Variants in NEDD4 observed in about 807,000 individuals in gnomAD.
NEDD4 encodes NEDD4 E3 ubiquitin protein ligase, also known as E3 ubiquitin-protein ligase NEDD4.
Under a neutral mutation model 144.9 loss-of-function variants are expected in NEDD4, and 99 were observed. The observed-to-expected ratio is 0.68, with a 90% CI of 0.58 to 0.81. The LOEUF (loss-of-function observed/expected upper bound fraction) is 0.81. Among genes scored for constraint, NEDD4 ranks in the 30% least tolerant of loss-of-function variants. NEDD4 has a pLI of 0.00. For synonymous variants in NEDD4, 318 were observed against 350.6 expected (o/e 0.91, Z 1.04); for missense variants, 985 against 1,065.9 (o/e 0.92, Z 1.06).
intron 5 of NEDD4, among the ~76,000 whole-genome samples, chr15:55,922,022 G>C (rs16976653): frequency 0.063 from 9,637 of 152,212 alleles, 365 homozygotes; most frequent in East Asian, 0.17. Context: ...ATTCACATCG[G>C]TATCAGTGGC....
intron 11 of NEDD4, among the ~76,000 whole-genome samples, chr15:55,858,572 G>A (rs1412689346): frequency 6.6e-6 from 1 of 152,138 alleles, no homozygotes; most frequent in African/African-American, 2.4e-5. Context: ...CTCCCAAAGT[G>A]CTGGGATTAC....
intron 1 of NEDD4, among the ~76,000 whole-genome samples, chr15:55,989,378 T>C (rs970086996): frequency 6.6e-6 from 1 of 152,196 alleles, no homozygotes; most frequent in Non-Finnish European, 1.5e-5. Flanking sequence ...GCAAAAACAA[T>C]ACATGAAAGA....
chr15:55,835,284 T>C (rs2033140531), intron 24 of NEDD4, among the ~76,000 whole-genome samples: 1 of 152,230 alleles, frequency 6.6e-6, no homozygotes, highest in Admixed American at 6.5e-5. Flanking sequence ...TAAACATATT[T>C]AATTCCTTAT....
intron 4 of NEDD4, among the ~76,000 whole-genome samples, chr15:55,937,751 A>G (rs1272382067): frequency 2.0e-5 from 3 of 152,208 alleles, no homozygotes; most frequent in Non-Finnish European, 4.4e-5. Context: ...ATACTATCCA[A>G]AGTAATCCAC....
Position 55,828,317 on chromosome 15 carries a change from G to A in NEDD4, c.*1580C>T, listed in dbSNP as rs1017711649. ...TATATATATATATTTAAGAAGATTCGTAACATATATTTACAATTATTCCTA... is the reference window on the plus strand; with the variant it reads ...TATATATATATATTTAAGAAGATTCATAACATATATTTACAATTATTCCTA... On this transcript the variant is annotated 3_prime_UTR_variant, in exon 29 of 29. Transcript: ENST00000435532. The A allele has an allele frequency of 4.0e-5, 6 of 151,860 alleles. No homozygotes were observed. The highest frequency in any genetic ancestry group is 7.3e-5 in the African/African-American group (3 of 41,302). The allele number at this position is 151,860 out of a possible 1,614,324, so 9.4% of individuals were successfully genotyped here.
chr15:55,960,174 G>T (rs1487342412), intron 2 of NEDD4, among the ~76,000 whole-genome samples: 1 of 152,210 alleles, frequency 6.6e-6, no homozygotes, highest in Non-Finnish European at 1.5e-5. Flanking sequence ...ACCTCTCTGT[G>T]ATGGGTAATA....
intron 2 of NEDD4, among the ~76,000 whole-genome samples, chr15:55,956,611 C>T (rs1048208005): frequency 9.9e-5 from 15 of 152,106 alleles, no homozygotes; most frequent in African/African-American, 2.4e-4. Flanking sequence ...TTCTCTCTCT[C>T]GCTCTCTCAC....
At chr15:55,973,958 A>G (rs551468929) in intron 1 of NEDD4, among the ~76,000 whole-genome samples, 1 of 152,226 alleles carries the variant, frequency 6.6e-6, no homozygotes, top group Admixed American at 6.5e-5. Flanking sequence ...AAATTGAAAC[A>G]GAATATAATA....
intron 1 of NEDD4, chr15:55,988,023 A>T (rs1390252691): frequency 6.6e-6 from 1 of 151,828 alleles, no homozygotes; most frequent in African/African-American, 2.4e-5. Context: ...GTCATTGCAC[A>T]CGTATGTTTA....
intron 5 of NEDD4, among the ~76,000 whole-genome samples, chr15:55,909,880 T>G (rs2036215128): frequency 6.6e-6 from 1 of 152,188 alleles, no homozygotes; most frequent in Non-Finnish European, 1.5e-5. Flanking sequence ...TCTCGTCTTA[T>G]TTTTGGTGGT....
chr15:55,830,132 G>A (rs1311152745), intron 28 of NEDD4, 133 bp from the exon 29 acceptor site: 11 of 668,622 alleles, frequency 1.6e-5, no homozygotes, highest in Non-Finnish European at 2.8e-5. Flanking sequence ...ACCAGGGGTA[G>A]AAGTAAGACG....
chr15:55,852,690 AATATATATATATATAT>A (rs59736982), intron 12 of NEDD4, 147 bp from the exon 13 acceptor site: 22,186 of 184,106 alleles, frequency 0.12, 2,017 homozygotes, highest in East Asian at 0.36. Flanking sequence ...CTTTTCTAGA[AATATATATATATATAT>A]ATATATATAT....
intron 4 of NEDD4, among the ~76,000 whole-genome samples, chr15:55,942,380 T>G (rs1484454733): frequency 6.6e-6 from 1 of 152,186 alleles, no homozygotes; most frequent in African/African-American, 2.4e-5. Context: ...CATGTCAAAT[T>G]GTAATCCCTA....
At chr15:55,856,334 C>G (rs1215669166) in intron 11 of NEDD4, 138 bp from the exon 12 acceptor site, 2 of 720,872 alleles carry the variant, frequency 2.8e-6, no homozygotes, top group Non-Finnish European at 4.6e-6. Context: ...AGAGTGCAGG[C>G]TGAGTCATGT....
At chr15:55,951,639 C>G (rs1270293753) in intron 2 of NEDD4, 50 bp from the exon 3 acceptor site, 13 of 1,337,354 alleles carry the variant, frequency 9.7e-6, no homozygotes, top group Non-Finnish European at 1.3e-5. Flanking sequence ...TATTGCTTAC[C>G]CCAAGCTCAG....
intron 1 of NEDD4, among the ~76,000 whole-genome samples, chr15:55,988,963 C>G (rs375422609): frequency 1.3e-5 from 2 of 152,156 alleles, no homozygotes; most frequent in African/African-American, 4.8e-5. Context: ...AGGACGGGCG[C>G]GGTGCCTCAC....
At chr15:55,949,140 G>C (rs1292618167) in intron 4 of NEDD4, among the ~76,000 whole-genome samples, 1 of 152,140 alleles carries the variant, frequency 6.6e-6, no homozygotes, top group Admixed American at 6.5e-5. Context: ...AGCGGGCGAA[G>C]GATATGAACA....
intron 21 of NEDD4, among the ~76,000 whole-genome samples, chr15:55,839,975 A>G (rs2033394385): frequency 6.0e-5 from 1 of 16,728 alleles, no homozygotes; most frequent in Non-Finnish European, 1.2e-4. Context: ...CTCTGTCTCA[A>G]AAAAAAAAAA....
rs2033951481 is a variant in NEDD4 at position 55,850,717 on chromosome 15, G to A, written c.1172C>T (p.Thr391Ile). Residue 391 changes from threonine (T) to isoleucine (I), a missense_variant, in exon 14 of 29, where the codon ACC becomes ATC. Transcript: ENST00000435532. ...VQATVETSQL[T>I]SSQSSAGPQS... is the part of the protein sequence containing the mutation. ...AGGGCCTGCAGAACTCTGGCTTGAG[G>A]TCAGCTGACTGGTCTCCACTGTGGC... is the stretch of plus-strand genomic sequence containing the variant. 1 of 1,613,824 alleles carries A rather than the reference G, an allele frequency of 6.2e-7. No homozygotes were observed. The highest frequency in any genetic ancestry group is 8.5e-7 in the Non-Finnish European group (1 of 1,180,020).
Sources: allele counts gnomAD v4.1 joint callset (sites outside exome capture counted in the v4.1 genomes callset), GRCh38; gene constraint gnomAD v4.1.1; transcripts MANE v1.5; gene names NCBI Gene and HGNC (gene_info 2026-07-23, HGNC 2026-07-21).